Variants in PRUNE2 observed in about 807,000 individuals in gnomAD.
PRUNE2 encodes protein prune homolog 2.
PRUNE2 carries 164 observed loss-of-function variants against 252.0 expected under a neutral mutation model. The observed-to-expected ratio is 0.65, with a 90% CI of 0.57 to 0.74. The LOEUF (loss-of-function observed/expected upper bound fraction) is 0.74. Among genes scored for constraint, PRUNE2 ranks in the 30% least tolerant of loss-of-function variants. The probability of loss-of-function intolerance (pLI) is 0.00; values close to 1 mark genes in which losing one functional copy is unlikely to be tolerated. For synonymous variants in PRUNE2, 1,292 were observed against 1,350.2 expected (o/e 0.96, Z 0.94); for missense variants, 3,495 against 3,711.0 (o/e 0.94, Z 1.51).
At chr9:76,661,886 T>C (rs1851588229) in intron 9 of PRUNE2, among the ~76,000 whole-genome samples, 1 of 152,162 alleles carries the variant, frequency 6.6e-6, no homozygotes, top group Non-Finnish European at 1.5e-5. Context: ...TTTTTTTTTT[T>C]TGAACTCACC....
intron 8 of PRUNE2, among the ~76,000 whole-genome samples, chr9:76,704,312 C>T (rs1188111039): frequency 1.3e-5 from 2 of 150,254 alleles, no homozygotes; most frequent in Admixed American, 1.3e-4. Context: ...GCAACCTCCA[C>T]CTCCTGGTTT....
chr9:76,691,182 C>T (rs2044683550), intron 9 of PRUNE2, among the ~76,000 whole-genome samples: 2 of 152,192 alleles, frequency 1.3e-5, no homozygotes, highest in African/African-American at 4.8e-5. Context: ...AAGCTGCACT[C>T]ACATAGCAGC....
intron 6 of PRUNE2, chr9:76,759,022 G>A (rs973821471): frequency 3.3e-5 from 5 of 152,240 alleles, no homozygotes; most frequent in African/African-American, 1.2e-4. Flanking sequence ...GTGCAAAGCA[G>A]GTGTTTGCTG....
Position 76,710,429 on chromosome 9 carries a change from A to G in PRUNE2, c.1845T>C (p.Ser615=), listed in dbSNP as rs2046636470. The G allele has an allele frequency of 6.2e-7, 1 of 1,613,772 alleles. No individual in the cohort carries two copies. The highest frequency in any genetic ancestry group is 8.5e-7 in the Non-Finnish European group (1 of 1,179,870). ...CAGTGGATGGCGAGCTTTCTACTAA[A>G]CTATTCATGGGTGTTGGTGGGATCC... is the stretch of plus-strand genomic sequence containing the variant. The part of the protein sequence containing the change: ...GKRIPPTPMN[S]LVESSPSTEE... The change falls in exon 8 of 19, where the codon AGT becomes AGC. Residue 615 remains serine (S), a synonymous_variant. Transcript: ENST00000376718.
At chr9:76,835,359 CAGAG>C (rs763945549) in intron 4 of PRUNE2, among the ~76,000 whole-genome samples, 7 of 150,768 alleles carry the variant, frequency 4.6e-5, no homozygotes, top group Non-Finnish European at 1.0e-4. Context: ...GAATGAATAA[CAGAG>C]AGAAAGAGGG....
At chr9:76,664,641 C>A (rs983541521) in intron 9 of PRUNE2, among the ~76,000 whole-genome samples, 9 of 152,152 alleles carry the variant, frequency 5.9e-5, no homozygotes, top group African/African-American at 1.7e-4. Context: ...CTGCCTCAGC[C>A]TCCCGAGTAG....
intron 1 of PRUNE2, among the ~76,000 whole-genome samples, chr9:76,875,512 CG>C (rs1456232693): frequency 6.6e-6 from 1 of 152,080 alleles, no homozygotes; most frequent in Non-Finnish European, 1.5e-5. Flanking sequence ...ACTACAGACA[CG>C]TGCCACCATG....
intron 18 of PRUNE2, among the ~76,000 whole-genome samples, chr9:76,617,374 T>C (rs1433609809): frequency 2.6e-5 from 4 of 152,172 alleles, no homozygotes; most frequent in African/African-American, 9.7e-5. Context: ...CATTCAACAC[T>C]AGCTCTGGAA....
chr9:76,624,784 G>T (rs1833951971), intron 16 of PRUNE2, among the ~76,000 whole-genome samples: 1 of 152,158 alleles, frequency 6.6e-6, no homozygotes, highest in African/African-American at 2.4e-5. Context: ...CAGTCTGGTG[G>T]GTACAGTTCA....
At chr9:76,652,233 C>T (rs1210355629) in intron 11 of PRUNE2, 3 of 365,794 alleles carry the variant, frequency 8.2e-6, no homozygotes, top group Non-Finnish European at 9.9e-6. Context: ...TTCCCTCAGC[C>T]CCAGTGCCTA....
intron 1 of PRUNE2, among the ~76,000 whole-genome samples, chr9:76,878,460 C>T (rs571515316): frequency 3.9e-5 from 6 of 152,166 alleles, no homozygotes; most frequent in Non-Finnish European, 7.3e-5. Flanking sequence ...CCACAGAAGA[C>T]CCACTGTCCA....
rs146545405 is a variant in PRUNE2, at chr9:76,756,353, T to C, written c.757-42632A>G. Among the ~76,000 whole-genome samples, 14 of 152,364 alleles carry C rather than the reference T, an allele frequency of 9.2e-5. No individual in the cohort carries two copies. The East Asian group carries it at 1.9e-3, about 21-fold the overall frequency. Reference sequence around the variant, plus strand: ...TGGATCACTTACGGCACCCAGGAACTGTGAAGCTGGCCTAAACCAGTCCCT... The same window carrying C: ...TGGATCACTTACGGCACCCAGGAACCGTGAAGCTGGCCTAAACCAGTCCCT... On this transcript the variant is annotated intron_variant, in intron 6 of 18. Transcript: ENST00000376718.
intron 1 of PRUNE2, among the ~76,000 whole-genome samples, chr9:76,901,414 G>C (rs906750170): frequency 4.6e-5 from 7 of 152,174 alleles, no homozygotes; most frequent in Non-Finnish European, 2.9e-5. Flanking sequence ...AATAAGCTCA[G>C]CTCCTGAAAT....
At chr9:76,888,734 TC>T (rs1326880881) in intron 1 of PRUNE2, among the ~76,000 whole-genome samples, 2 of 152,130 alleles carry the variant, frequency 1.3e-5, no homozygotes, top group South Asian at 4.1e-4. Context: ...TGTGCTTTCC[TC>T]CTCCTGAGAT....
At chr9:76,660,681 C>G (rs1850966671) in intron 9 of PRUNE2, among the ~76,000 whole-genome samples, 1 of 149,604 alleles carries the variant, frequency 6.7e-6, no homozygotes. Flanking sequence ...ACTTGGGAGG[C>G]TGAGGCAGAA....
intron 6 of PRUNE2, chr9:76,782,682 ATACT>A (rs2054548010): frequency 6.6e-6 from 1 of 152,224 alleles, no homozygotes; most frequent in African/African-American, 2.4e-5. Context: ...TACAACACAT[ATACT>A]TAGTGTTTCA....
intron 6 of PRUNE2, chr9:76,782,538 T>A (rs1334970265): frequency 6.6e-6 from 1 of 152,230 alleles, no homozygotes; most frequent in Non-Finnish European, 1.5e-5. Context: ...TTAAATGAGT[T>A]AATTTTTGTA....
At chr9:76,765,033 T>C (rs1031033020) in intron 6 of PRUNE2, among the ~76,000 whole-genome samples, 8 of 152,160 alleles carry the variant, frequency 5.3e-5, no homozygotes, top group Admixed American at 5.2e-4. Flanking sequence ...GAGATACCCA[T>C]TAGATATTTA....
At chr9:76,788,789 C>T (rs968763988) in intron 6 of PRUNE2, among the ~76,000 whole-genome samples, 9 of 152,144 alleles carry the variant, frequency 5.9e-5, no homozygotes, top group African/African-American at 1.9e-4. Flanking sequence ...TAATTCTTGA[C>T]ACCTGGTTAG....
Sources: gnomAD v4.1 joint callset for allele counts (sites outside exome capture counted in the v4.1 genomes callset) on GRCh38, gnomAD v4.1.1 for gene constraint, MANE v1.5 for transcripts, NCBI Gene and HGNC (gene_info 2026-07-23, HGNC 2026-07-21) for gene names.